ARF4: variants seen among roughly 807,000 people sequenced by gnomAD.
ARF4 encodes the protein ARF GTPase 4.
In ARF4, 5 loss-of-function variants were observed where a neutral mutation model predicts 24.3. The observed-to-expected ratio is 0.21, with a 90% CI of 0.11 to 0.43. The LOEUF is 0.43. ARF4 is among the 20% of genes least tolerant of loss of function. ARF4 has a pLI of 1.00. For synonymous variants in ARF4, 62 were observed against 73.5 expected (o/e 0.84, Z 0.80); for missense variants, 107 against 213.0 (o/e 0.50, Z 3.10).
chr3:57,577,896 A>T (rs1041173236), intron 3 of ARF4, among the ~76,000 whole-genome samples: 10 of 152,030 alleles, frequency 6.6e-5, no homozygotes, highest in African/African-American at 2.4e-4. Context: ...TCTACAAAAA[A>T]ATACAAAAAT....
chr3:57,597,192 C>A lies in ARF4; in HGVS notation c.-52G>T. Reference sequence around the variant, plus strand: ...GAAGCAGAAGGGGTTTGGGGCGACCCCGTGCTTTCTCCTTTCAAGCTCCCA... The same window carrying A: ...GAAGCAGAAGGGGTTTGGGGCGACCACGTGCTTTCTCCTTTCAAGCTCCCA... On this transcript the variant is annotated 5_prime_UTR_variant, in exon 1 of 6. Transcript: ENST00000303436. 1 of 1,547,290 alleles carries A rather than the reference C, an allele frequency of 6.5e-7. No individual in the cohort carries two copies. Among genetic ancestry groups the A allele is most frequent in the South Asian group, 1.1e-5 (1 of 88,864 alleles).
intron 1 of ARF4, among the ~76,000 whole-genome samples, chr3:57,591,113 T>C (rs991924118): frequency 1.3e-5 from 2 of 152,136 alleles, no homozygotes; most frequent in African/African-American, 4.8e-5. Context: ...AACCCTCATA[T>C]ATTGCTAGTG....
At chr3:57,573,021 T>A (rs1171872884) in intron 5 of ARF4, among the ~76,000 whole-genome samples, 1 of 151,822 alleles carries the variant, frequency 6.6e-6, no homozygotes, top group Non-Finnish European at 1.5e-5. Context: ...GCTAACGCAG[T>A]GAAACCCTGT....
At chr3:57,593,374 A>G (rs1383886357) in intron 1 of ARF4, among the ~76,000 whole-genome samples, 2 of 152,210 alleles carry the variant, frequency 1.3e-5, no homozygotes, top group Non-Finnish European at 2.9e-5. Context: ...TTACATAAAT[A>G]GATGGATTTA....
At chr3:57,582,747 A>G (rs1359204661) in intron 3 of ARF4, among the ~76,000 whole-genome samples, 1 of 74,004 alleles carries the variant, frequency 1.4e-5, no homozygotes, top group Non-Finnish European at 3.5e-5. Context: ...TCACACTTAA[A>G]AAAAATTATT....
At chr3:57,585,153 C>T (rs550289372) in intron 1 of ARF4, among the ~76,000 whole-genome samples, 81 of 152,188 alleles carry the variant, frequency 5.3e-4, no homozygotes, top group African/African-American at 1.6e-3. Flanking sequence ...CGTGAGCCAC[C>T]GTGCCCAGCC....
chr3:57,585,945 A>G, intron 1 of ARF4, among the ~76,000 whole-genome samples: 1 of 152,178 alleles, frequency 6.6e-6, no homozygotes, highest in Admixed American at 6.6e-5. Context: ...TACAGATGTG[A>G]ACCACTGTGT....
chr3:57,586,004 G>C (rs979371118), intron 1 of ARF4, among the ~76,000 whole-genome samples: 1 of 152,042 alleles, frequency 6.6e-6, no homozygotes, highest in African/African-American at 2.4e-5. Context: ...GTACAAGTAG[G>C]GAGGAATGTG....
intron 1 of ARF4, among the ~76,000 whole-genome samples, chr3:57,588,211 T>C (rs1008643817): frequency 6.6e-6 from 1 of 152,226 alleles, no homozygotes; most frequent in Non-Finnish European, 1.5e-5. Context: ...CTGGAATACT[T>C]GTTCTCCTTA....
At chr3:57,572,418 C>A in intron 5 of ARF4, 120 bp from the exon 6 acceptor site, 1 of 718,358 alleles carries the variant, frequency 1.4e-6, no homozygotes. Flanking sequence ...CAAAACTCTC[C>A]CATATTTAAA....
intron 3 of ARF4, among the ~76,000 whole-genome samples, 198 bp from the exon 4 acceptor site, chr3:57,577,585 T>C (rs1319981219): frequency 6.6e-6 from 1 of 152,224 alleles, no homozygotes; most frequent in Non-Finnish European, 1.5e-5. Context: ...ATTTCAAATC[T>C]AAAAAATTTT....
intron 3 of ARF4, among the ~76,000 whole-genome samples, chr3:57,578,936 C>T (rs1005880641): frequency 6.6e-6 from 1 of 151,886 alleles, no homozygotes; most frequent in Non-Finnish European, 1.5e-5. Flanking sequence ...AAAAGATAAA[C>T]CTTGACTCCT....
chr3:57,572,286 C>T lies in ARF4; in HGVS notation c.469G>A (p.Ala157Thr). The T allele has an allele frequency of 6.2e-7, 1 of 1,613,346 alleles. No homozygotes were observed. The highest frequency in any genetic ancestry group is 8.5e-7 in the Non-Finnish European group (1 of 1,179,358). The part of the protein sequence containing the change: ...SLRNRTWYVQ[A>T]TCATQGTGLY... Reference sequence around the variant, plus strand: ...CCAGTTCCTTGTGTTGCACAAGTGGCTTGAACATACCACTGTAAAGAGAAG... The same window carrying T: ...CCAGTTCCTTGTGTTGCACAAGTGGTTTGAACATACCACTGTAAAGAGAAG... Residue 157 changes from alanine to threonine, a missense_variant, in exon 6 of 6, where the codon GCC becomes ACC. Transcript: ENST00000303436.
chr3:57,577,210 C>CA (rs2069916913), intron 4 of ARF4, 106 bp downstream of exon 4: 1 of 889,580 alleles, frequency 1.1e-6, no homozygotes, highest in South Asian at 1.5e-5. Context: ...CTAGCCCCCC[C>CA]AATCCATTTG....
chr3:57,581,782 A>C (rs2069975556), intron 3 of ARF4, among the ~76,000 whole-genome samples: 2 of 152,204 alleles, frequency 1.3e-5, no homozygotes, highest in South Asian at 4.1e-4. Context: ...ACAGGACGAG[A>C]ACTCCATCTC....
In ARF4 at chr3:57,571,701, G is replaced by A. The variant is rs1377433209; in HGVS notation, c.*511C>T. ...ATGTAGGCCAGGAGTCAATGTAGGG[G>A]GAAAAATTTCCTCAGTGCAAGAGAG... On this transcript the variant is annotated 3_prime_UTR_variant, in exon 6 of 6. Transcript: ENST00000303436. 1 of 153,112 alleles carries A rather than the reference G, an allele frequency of 6.5e-6. No individual in the cohort carries two copies. The highest frequency in any genetic ancestry group is 1.5e-5 in the Non-Finnish European group (1 of 68,400). 9.5% of individuals were successfully genotyped at this position (153,112 alleles called of 1,614,324 possible).
intron 3 of ARF4, among the ~76,000 whole-genome samples, chr3:57,577,728 T>C (rs1370535819): frequency 6.6e-6 from 1 of 151,874 alleles, no homozygotes; most frequent in Non-Finnish European, 1.5e-5. Context: ...AAAAGAAAAA[T>C]AACAAATCAA....
intron 1 of ARF4, chr3:57,596,814 A>G (rs2070193771): frequency 2.2e-6 from 1 of 459,128 alleles, no homozygotes; most frequent in East Asian, 4.1e-5. Context: ...AGCTTTCAAT[A>G]AGATCAAGGA....
At position 57,575,628 on chromosome 3, in the gene ARF4, T is replaced by C; in HGVS notation, c.376A>G (p.Asn126Asp). 6.2e-7 allele frequency: 1 copy of C among 1,613,520 alleles called. No homozygotes were observed. The highest frequency in any genetic ancestry group is 8.5e-7 in the Non-Finnish European group (1 of 1,179,816). ...LRDAVLLLFA[N>D]KQDLPNAMAI... ...ATAGCATTTGGCAAATCCTGTTTGTTTGCAAAAAGTAGCAGCACTGCATCT... is the reference window on the plus strand; with the variant it reads ...ATAGCATTTGGCAAATCCTGTTTGTCTGCAAAAAGTAGCAGCACTGCATCT... Residue 126 changes from asparagine (N) to aspartate (D), a missense_variant, in exon 5 of 6, where the codon AAC becomes GAC. Asn to Asp is a conservative substitution (Grantham distance 23). Transcript: ENST00000303436.
Sources: gnomAD v4.1 joint callset for allele counts (sites outside exome capture counted in the v4.1 genomes callset) on GRCh38, gnomAD v4.1.1 for gene constraint, MANE v1.5 for transcripts, NCBI Gene and HGNC (gene_info 2026-07-23, HGNC 2026-07-21) for gene names.